The following DLG2 variants were observed in gnomAD, a reference collection of about 807,000 sequenced individuals.
DLG2 encodes the protein discs large MAGUK scaffold protein 2, also known as disks large homolog 2.
In DLG2, 45 loss-of-function variants were observed where a neutral mutation model predicts 132.5. The observed-to-expected ratio is 0.34, with a 90% CI of 0.27 to 0.44. DLG2 has a LOEUF of 0.44. DLG2 is among the 20% of genes least tolerant of loss of function. The pLI is 1.00. For synonymous variants in DLG2, 424 were observed against 419.6 expected (o/e 1.01, Z -0.13); for missense variants, 1,045 against 1,196.9 (o/e 0.87, Z 1.87).
At chr11:84,087,927 T>C (rs1011469569) in intron 10 of DLG2, among the ~76,000 whole-genome samples, 2 of 152,246 alleles carry the variant, frequency 1.3e-5, no homozygotes, top group Non-Finnish European at 2.9e-5. Flanking sequence ...AGTAATGTGT[T>C]ACAGCAGCAA....
At chr11:84,320,047 C>T (rs2098395264) in intron 7 of DLG2, among the ~76,000 whole-genome samples, 1 of 152,140 alleles carries the variant, frequency 6.6e-6, no homozygotes, top group Non-Finnish European at 1.5e-5. Context: ...ATTTGATCAA[C>T]TATAATTGGA....
intron 5 of DLG2, among the ~76,000 whole-genome samples, chr11:85,125,804 TATACACACAC>T: frequency 1.2e-5 from 1 of 85,240 alleles, no homozygotes; most frequent in East Asian, 5.6e-4. Context: ...TCCCAGACAT[TATACACACAC>T]ACACACACAC....
intron 18 of DLG2, among the ~76,000 whole-genome samples, chr11:83,697,083 T>C (rs1277344220): frequency 6.6e-6 from 1 of 152,174 alleles, no homozygotes; most frequent in Non-Finnish European, 1.5e-5. Context: ...TAACAAGACA[T>C]GCTCTTTGCC....
At chr11:84,185,103 T>G (rs921820151) in intron 8 of DLG2, among the ~76,000 whole-genome samples, 1 of 152,132 alleles carries the variant, frequency 6.6e-6, no homozygotes, top group Non-Finnish European at 1.5e-5. Flanking sequence ...TCCAATTCTG[T>G]GAAGAAAGTC....
chr11:83,926,842 C>T (rs936781856), intron 15 of DLG2, among the ~76,000 whole-genome samples: 3 of 152,038 alleles, frequency 2.0e-5, no homozygotes, highest in African/African-American at 7.2e-5. Context: ...TACTTTGCCC[C>T]TGAATTATTG....
intron 3 of DLG2, among the ~76,000 whole-genome samples, chr11:85,465,246 A>T (rs2092748165): frequency 6.6e-6 from 1 of 151,282 alleles, no homozygotes; most frequent in Non-Finnish European, 1.5e-5. Context: ...GGGCTCAAGC[A>T]AACTTCCCAC....
intron 11 of DLG2, among the ~76,000 whole-genome samples, chr11:84,001,211 T>C (rs1420776044): frequency 1.3e-5 from 2 of 148,944 alleles, no homozygotes; most frequent in Admixed American, 6.7e-5. Flanking sequence ...ACTTTACCTA[T>C]AAAAACACAT....
chr11:84,316,656 G>C (rs1257677641), intron 7 of DLG2, among the ~76,000 whole-genome samples: 2 of 152,134 alleles, frequency 1.3e-5, no homozygotes, highest in African/African-American at 4.8e-5. Flanking sequence ...GGCCACCAGA[G>C]GTATGAGCCC....
chr11:83,865,462 A>AG (rs1449596808), intron 16 of DLG2, among the ~76,000 whole-genome samples: 1 of 152,072 alleles, frequency 6.6e-6, no homozygotes, highest in African/African-American at 2.4e-5. Context: ...ACAGCGAAAA[A>AG]AAAAAGACAA....
intron 6 of DLG2, among the ~76,000 whole-genome samples, chr11:84,914,374 A>G (rs2092321813): frequency 6.6e-6 from 1 of 152,230 alleles, no homozygotes. Context: ...CCCAAGACAC[A>G]GTACAATATC....
chr11:83,927,519 A>G (rs2079199948), intron 15 of DLG2, among the ~76,000 whole-genome samples: 4 of 152,134 alleles, frequency 2.6e-5, no homozygotes, highest in Admixed American at 2.6e-4. Flanking sequence ...TTGAGACTAG[A>G]AGAGATTTAG....
At chr11:85,235,348 T>C (rs2075528738) in intron 4 of DLG2, among the ~76,000 whole-genome samples, 1 of 151,986 alleles carries the variant, frequency 6.6e-6, no homozygotes, top group Non-Finnish European at 1.5e-5. Flanking sequence ...TGTATGCCTA[T>C]GTCCTTTCAT....
intron 7 of DLG2, among the ~76,000 whole-genome samples, chr11:84,305,708 T>C (rs2098209827): frequency 6.6e-6 from 1 of 152,080 alleles, no homozygotes; most frequent in South Asian, 2.1e-4. Flanking sequence ...ATTCTATCCT[T>C]TGATAGGTAA....
At chr11:84,170,610 G>A (rs1202373771) in intron 8 of DLG2, among the ~76,000 whole-genome samples, 2 of 152,158 alleles carry the variant, frequency 1.3e-5, no homozygotes, top group Non-Finnish European at 2.9e-5. Context: ...TGTGTTCATG[G>A]CAGGTGTTCA....
At chr11:84,233,986 G>A (rs900702272) in intron 8 of DLG2, among the ~76,000 whole-genome samples, 1 of 152,210 alleles carries the variant, frequency 6.6e-6, no homozygotes, top group Non-Finnish European at 1.5e-5. Context: ...GGAGCTGGCA[G>A]AGTGGGCTCA....
At chr11:83,937,805 T>C (rs568444169) in intron 14 of DLG2, among the ~76,000 whole-genome samples, 1 of 152,312 alleles carries the variant, frequency 6.6e-6, no homozygotes, top group South Asian at 2.1e-4. Context: ...ATCTTGAAAT[T>C]GACAAATCAC....
intron 4 of DLG2, among the ~76,000 whole-genome samples, chr11:85,172,027 T>C (rs2078912631): frequency 6.6e-6 from 1 of 152,230 alleles, no homozygotes; most frequent in Non-Finnish European, 1.5e-5. Flanking sequence ...TGTTCCAGCC[T>C]GCTGGCACTG....
At chr11:84,972,020 G>A (rs568273719) in intron 6 of DLG2, among the ~76,000 whole-genome samples, 2 of 152,162 alleles carry the variant, frequency 1.3e-5, no homozygotes, top group African/African-American at 4.8e-5. Context: ...GGAAAAAAAG[G>A]CTTTCTTGCT....
At chr11:84,330,033 T>A (rs529841796) in intron 7 of DLG2, among the ~76,000 whole-genome samples, 1 of 152,236 alleles carries the variant, frequency 6.6e-6, no homozygotes. Context: ...AGAATTGTTG[T>A]GAAAATAACA....
Sources: allele counts gnomAD v4.1 joint callset (sites outside exome capture counted in the v4.1 genomes callset), GRCh38; gene constraint gnomAD v4.1.1; transcripts MANE v1.5; gene names NCBI Gene and HGNC (gene_info 2026-07-23, HGNC 2026-07-21).